Variants in OPHN1 observed in about 807,000 individuals in gnomAD.
OPHN1 encodes the protein oligophrenin-1.
OPHN1 carries 11 observed loss-of-function variants against 60.7 expected under a neutral mutation model. The ratio of observed to expected loss-of-function variants is 0.18; its 90% CI spans 0.11 to 0.30. The LOEUF is 0.30. Ranked by LOEUF, OPHN1 falls within the 10% of genes least tolerant of loss-of-function variation. OPHN1 has a pLI of 1.00. For synonymous variants in OPHN1, 226 were observed against 222.6 expected (o/e 1.02, Z -0.14); for missense variants, 449 against 611.0 (o/e 0.73, Z 2.80).
chrX:68,070,814 T>C, intron 20 of OPHN1: 1 of 1,172,217 alleles, frequency 8.5e-7, no homozygotes, highest in East Asian at 3.0e-5. Flanking sequence ...TACTTCTTGC[T>C]GCTTTCAGGA....
intron 2 of OPHN1, among the ~76,000 whole-genome samples, chrX:68,352,216 C>T (rs1891179273): frequency 9.1e-6 from 1 of 109,545 alleles, no homozygotes; most frequent in Non-Finnish European, 1.9e-5. Flanking sequence ...AAGGTAAAAC[C>T]TTCTTAAGGG....
chrX:68,360,638 A>G (rs1222661082), intron 2 of OPHN1, among the ~76,000 whole-genome samples: 2 of 110,848 alleles, frequency 1.8e-5, no homozygotes, highest in Non-Finnish European at 3.8e-5. Context: ...AAAAATACAA[A>G]AAATCAGCCA....
chrX:68,247,878 C>T (rs184725379), intron 5 of OPHN1, among the ~76,000 whole-genome samples: 372 of 110,859 alleles, frequency 3.4e-3, no homozygotes, highest in South Asian at 0.012. Flanking sequence ...GCACTCCACT[C>T]ATCTCAAAAT....
At chrX:68,261,480 TG>T (rs984146959) in intron 5 of OPHN1, among the ~76,000 whole-genome samples, 2 of 110,367 alleles carry the variant, frequency 1.8e-5, no homozygotes, top group Non-Finnish European at 3.8e-5. Context: ...GAGAAGTCGG[TG>T]GGGGGAGGCG....
chrX:68,237,999 G>C (rs1341290190), intron 5 of OPHN1, among the ~76,000 whole-genome samples: 2 of 111,753 alleles, frequency 1.8e-5, no homozygotes, highest in African/African-American at 6.5e-5. Context: ...TTTGGTTACA[G>C]CTGCCATCAA....
intron 15 of OPHN1, chrX:68,132,850 T>C (rs1401173450): frequency 7.5e-6 from 2 of 267,782 alleles, no homozygotes; most frequent in Non-Finnish European, 1.3e-5. Context: ...TCCCGGTCCC[T>C]GGCCCGTCAG....
intron 2 of OPHN1, among the ~76,000 whole-genome samples, chrX:68,381,237 C>G (rs1602370869): frequency 8.9e-6 from 1 of 111,743 alleles, no homozygotes; most frequent in African/African-American, 3.2e-5. Flanking sequence ...CCACTACCCC[C>G]TACACATGAC....
intron 19 of OPHN1, among the ~76,000 whole-genome samples, chrX:68,091,055 G>A (rs1353866790): frequency 9.0e-6 from 1 of 111,021 alleles, no homozygotes; most frequent in Admixed American, 9.6e-5. Flanking sequence ...GCAAAGAAAA[G>A]CACAGCTCAC....
intron 2 of OPHN1, among the ~76,000 whole-genome samples, chrX:68,392,134 C>T (rs927683600): frequency 1.8e-5 from 2 of 111,545 alleles, no homozygotes; most frequent in East Asian, 2.8e-4. Flanking sequence ...TCTTCCTCTT[C>T]TGCCACCCCT....
At chrX:68,346,438 T>G (rs764701410) in intron 2 of OPHN1, among the ~76,000 whole-genome samples, 1 of 112,019 alleles carries the variant, frequency 8.9e-6, no homozygotes, top group African/African-American at 3.2e-5. Context: ...AAACAAAGGC[T>G]TCTGCATAAA....
chrX:68,200,150 A>C (rs2147465923), intron 11 of OPHN1, among the ~76,000 whole-genome samples: 1 of 111,803 alleles, frequency 8.9e-6, no homozygotes, highest in African/African-American at 3.3e-5. Context: ...CAAGTCAGTT[A>C]AATATATGTG....
chrX:68,222,982 A>T (rs2077670358), intron 6 of OPHN1, among the ~76,000 whole-genome samples: 1 of 111,387 alleles, frequency 9.0e-6, no homozygotes, highest in Non-Finnish European at 1.9e-5. Context: ...GGAAATTAAA[A>T]CCACAATGAG....
chrX:68,104,514 A>G (rs756837676), intron 18 of OPHN1, among the ~76,000 whole-genome samples: 4 of 111,531 alleles, frequency 3.6e-5, no homozygotes, highest in African/African-American at 1.3e-4. Flanking sequence ...AACACCACAC[A>G]TCTACAACCA....
intron 6 of OPHN1, among the ~76,000 whole-genome samples, chrX:68,233,458 CATTAGAAAA>C (rs1166117300): frequency 9.0e-6 from 1 of 111,663 alleles, no homozygotes; most frequent in Non-Finnish European, 1.9e-5. Context: ...CCCCTCCTTC[CATTAGAAAA>C]ATTCTCAATC....
In OPHN1 at chrX:68,122,517, T is replaced by C. The variant is rs543250144; in HGVS notation, c.1277-3185A>G. ...AACTAAATAAGGCATCAGAGACTAATCTTGGAGAAACAGAGGTATGTGACA... is the reference window on the plus strand; with the variant it reads ...AACTAAATAAGGCATCAGAGACTAACCTTGGAGAAACAGAGGTATGTGACA... On this transcript the variant is annotated intron_variant, in intron 15 of 24. Transcript: ENST00000355520. Among the ~76,000 whole-genome samples, 7 of 111,403 alleles carry C rather than the reference T, an allele frequency of 6.3e-5. No homozygotes were observed. In the South Asian group the frequency reaches 2.7e-3, roughly 43 times the overall value.
At chrX:68,289,801 CAT>C (rs2094186793) in intron 3 of OPHN1, among the ~76,000 whole-genome samples, 1 of 112,607 alleles carries the variant, frequency 8.9e-6, no homozygotes, top group Non-Finnish European at 1.9e-5. Context: ...ATTGAAAACA[CAT>C]AAAATGTCCA....
intron 15 of OPHN1, among the ~76,000 whole-genome samples, chrX:68,169,973 C>A (rs1356647500): frequency 9.2e-6 from 1 of 108,881 alleles, no homozygotes; most frequent in East Asian, 2.8e-4. Context: ...GCAAAAGAAA[C>A]TACCATCAGA....
chrX:68,083,217 C>T (rs989732673), intron 19 of OPHN1, among the ~76,000 whole-genome samples: 23 of 103,968 alleles, frequency 2.2e-4, no homozygotes, highest in African/African-American at 1.8e-4. Context: ...GGACTACAGG[C>T]GCCCGCCACT....
At chrX:68,300,141 C>T (rs748065504) in intron 2 of OPHN1, among the ~76,000 whole-genome samples, 12 of 111,744 alleles carry the variant, frequency 1.1e-4, no homozygotes, top group South Asian at 3.7e-4. Context: ...CTCTCTTTTC[C>T]GATTTCTTCT....
Sources: gnomAD v4.1 joint callset for allele counts (sites outside exome capture counted in the v4.1 genomes callset) on GRCh38, gnomAD v4.1.1 for gene constraint, MANE v1.5 for transcripts, NCBI Gene and HGNC (gene_info 2026-07-23, HGNC 2026-07-21) for gene names.